GALK2: variants seen among roughly 807,000 people sequenced by gnomAD.
GALK2 encodes the protein N-acetylgalactosamine kinase.
Under a neutral mutation model 52.4 loss-of-function variants are expected in GALK2, and 36 were observed. The ratio of observed to expected loss-of-function variants is 0.69; its 90% CI spans 0.53 to 0.91. The LOEUF (loss-of-function observed/expected upper bound fraction) is 0.91, where lower values mean the gene tolerates loss of function less well. Among genes scored for constraint, GALK2 ranks in the 40% least tolerant of loss-of-function variants. The pLI is 0.00. For missense variants in GALK2, 579 were observed against 559.1 expected (o/e 1.04, Z -0.36); for synonymous variants, 176 against 199.1 (o/e 0.88, Z 0.98).
At chr15:49,168,546 C>T (rs1489339377), upstream of GALK2, among the ~76,000 whole-genome samples, 1 of 152,008 alleles carries the variant, frequency 6.6e-6, no homozygotes, top group Non-Finnish European at 1.5e-5. Context: ...TGGTGAAACC[C>T]CGTCTTTACT....
At chr15:49,350,360 ACAT>A (rs1344095420) in intron 3 of GALK2, among the ~76,000 whole-genome samples, 2 of 152,188 alleles carry the variant, frequency 1.3e-5, no homozygotes, top group South Asian at 2.1e-4. Context: ...ATGATGACAA[ACAT>A]CATAAATACC....
In GALK2 at chr15:49,330,323, T is replaced by A. The variant is rs2038424566; in HGVS notation, c.*2164T>A. ...ATCCAGGCAGCATTTAGATCAGGGG[T>A]TATAGCCCAGCAGCCCATGGGCCAC... On this transcript the variant is annotated 3_prime_UTR_variant, in exon 10 of 10. Coordinates refer to ENST00000560031, the MANE Select transcript of GALK2 (RefSeq NM_002044.4). 6.6e-6 allele frequency: 1 copy of A among 151,626 alleles called. No individual in the cohort carries two copies. 9.4% of individuals were successfully genotyped at this position (151,626 alleles called of 1,614,324 possible). A position where few individuals can be genotyped will look rare whatever the true frequency, so the allele number is the denominator to read the frequency against.
intron 1 of GALK2, among the ~76,000 whole-genome samples, chr15:49,175,875 A>G (rs1000792137): frequency 4.6e-5 from 7 of 152,262 alleles, no homozygotes; most frequent in Admixed American, 2.6e-4. Context: ...CAGTGTATGC[A>G]TCCCCCAGTC....
intron 9 of GALK2, among the ~76,000 whole-genome samples, chr15:49,322,446 C>T (rs1567062281): frequency 6.6e-6 from 1 of 152,168 alleles, no homozygotes; most frequent in Non-Finnish European, 1.5e-5. Flanking sequence ...TTTTTCTTTG[C>T]TGTCACTGTG....
chr15:49,319,545 T>C (rs1323572922), intron 8 of GALK2, 59 bp from the exon 9 acceptor site: 8 of 1,405,662 alleles, frequency 5.7e-6, no homozygotes, highest in Non-Finnish European at 6.9e-6. Flanking sequence ...TATTTTTCTT[T>C]ATACTGGGTT....
Position 49,192,503 on chromosome 15 carries a change from A to G in GALK2, c.54-8659A>G, listed in dbSNP as rs969976851. On this transcript the variant is annotated intron_variant, in intron 1 of 9. Coordinates refer to ENST00000560031, the MANE Select transcript of GALK2 (RefSeq NM_002044.4). ...TATATATGTATATATATATATATAT[A>G]TATATATATATATATATATATAGTT... Among the ~76,000 whole-genome samples the G allele has an allele frequency of 1.1e-3, 153 of 135,704 alleles. 3 individuals carry two copies. Among genetic ancestry groups the G allele is most frequent in the African/African-American group, 3.9e-3 (137 of 35,248 alleles). 89.0% of individuals were successfully genotyped at this position (135,704 alleles called of 152,430 possible). A position where few individuals can be genotyped will look rare whatever the true frequency, so the allele number is the denominator to read the frequency against.
chr15:49,243,680 G>A (rs917166738), intron 5 of GALK2, among the ~76,000 whole-genome samples: 8 of 152,124 alleles, frequency 5.3e-5, no homozygotes, highest in African/African-American at 1.9e-4. Context: ...AATGCTGAGA[G>A]CAGAAGAATC....
intron 2 of GALK2, among the ~76,000 whole-genome samples, chr15:49,204,871 T>C (rs993496724): frequency 1.3e-4 from 20 of 152,142 alleles, no homozygotes; most frequent in African/African-American, 4.8e-4. Flanking sequence ...TCCTCACAAG[T>C]CCCCGATGTC....
At position 49,319,584 on chromosome 15, in the gene GALK2, C is replaced by A; in HGVS notation, c.968-20C>A. The A allele has an allele frequency of 6.2e-7, 1 of 1,611,048 alleles. No individual in the cohort carries two copies. The highest frequency in any genetic ancestry group is 1.1e-5 in the South Asian group (1 of 90,906). ...CAGTAACTATTCCTAACCTCCTTCC[C>A]CATCCTCTTCCTTCCTCAGTGCTCA... On this transcript the variant is annotated intron_variant, in intron 8 of 9. Coordinates refer to ENST00000560031, the MANE Select transcript of GALK2 (RefSeq NM_002044.4).
At chr15:49,360,461 T>G (rs1024036952) in intron 3 of GALK2, among the ~76,000 whole-genome samples, 4 of 152,190 alleles carry the variant, frequency 2.6e-5, no homozygotes, top group African/African-American at 4.8e-5. Context: ...GAGTTTTCAA[T>G]TTTTTAAATA....
chr15:49,270,058 C>T (rs955820428), intron 5 of GALK2, among the ~76,000 whole-genome samples: 2 of 152,178 alleles, frequency 1.3e-5, no homozygotes, highest in South Asian at 2.1e-4. Context: ...TGTTTATCAT[C>T]GCTCCCCTAA....
At chr15:49,357,292 A>G (rs2043318389) in intron 3 of GALK2, among the ~76,000 whole-genome samples, 2 of 151,012 alleles carry the variant, frequency 1.3e-5, no homozygotes, top group Admixed American at 6.6e-5. Context: ...TAGTGAATCC[A>G]GGAGCTGGTT....
Position 49,317,629 on chromosome 15 carries a change from A to G in GALK2, c.968-1975A>G, listed in dbSNP as rs528956771. 2.6e-5 allele frequency among the ~76,000 whole-genome samples: 4 copies of G among 152,308 alleles called. No individual in the cohort carries two copies. The East Asian group carries it at 7.7e-4, about 29-fold the overall frequency. Reference sequence around the variant, plus strand: ...GCACACATATGTTTATTGCAGCACTATTCACAATAGCAAAGACTTGGAACC... The same window carrying G: ...GCACACATATGTTTATTGCAGCACTGTTCACAATAGCAAAGACTTGGAACC... On this transcript the variant is annotated intron_variant, in intron 8 of 9. Coordinates refer to ENST00000560031, the MANE Select transcript of GALK2 (RefSeq NM_002044.4).
chr15:49,263,035 T>C (rs1192248910), intron 5 of GALK2, among the ~76,000 whole-genome samples: 4 of 141,270 alleles, frequency 2.8e-5, no homozygotes, highest in African/African-American at 1.1e-4. Flanking sequence ...CTGAAAAAAA[T>C]GTATATTCTG....
chr15:49,245,273 G>A (rs190918515), intron 5 of GALK2, among the ~76,000 whole-genome samples: 136 of 152,268 alleles, frequency 8.9e-4, no homozygotes, highest in African/African-American at 2.9e-3. Flanking sequence ...GGAAGCAAAA[G>A]CAAAGAGCCA....
intron 8 of GALK2, among the ~76,000 whole-genome samples, chr15:49,295,327 C>A (rs975873604): frequency 2.8e-5 from 4 of 145,116 alleles, no homozygotes; most frequent in African/African-American, 8.3e-5. Flanking sequence ...CTCTCTCTCT[C>A]TCTATCTATA....
At chr15:49,158,826 T>TTTGG (rs776936767) in intron 1 of GALK2, 3 of 94,644 alleles carry the variant, frequency 3.2e-5, no homozygotes, top group Non-Finnish European at 4.5e-5. Flanking sequence ...TAGGTCAATA[T>TTTGG]TTGGTTGTTT....
chr15:49,299,765 TTC>T (rs1491215057), intron 8 of GALK2, among the ~76,000 whole-genome samples: 1 of 145,142 alleles, frequency 6.9e-6, no homozygotes, highest in African/African-American at 2.6e-5. Flanking sequence ...CTTTCTTTCT[TTC>T]TTTCTTTCTT....
chr15:49,218,339 A>G (rs538061505), intron 3 of GALK2, among the ~76,000 whole-genome samples: 1 of 152,310 alleles, frequency 6.6e-6, no homozygotes, highest in South Asian at 2.1e-4. Flanking sequence ...GTCATTGTGT[A>G]TGAACATTTA....
Sources: gnomAD v4.1 joint callset for allele counts (sites outside exome capture counted in the v4.1 genomes callset) on GRCh38, gnomAD v4.1.1 for gene constraint, MANE v1.5 for transcripts, NCBI Gene and HGNC (gene_info 2026-07-23, HGNC 2026-07-21) for gene names.